Variants in C8B observed in about 807,000 individuals in gnomAD.
C8B encodes complement component C8 beta chain.
Under a neutral mutation model 64.6 loss-of-function variants are expected in C8B, and 67 were observed. The ratio of observed to expected loss-of-function variants is 1.04; its 90% CI spans 0.85 to 1.27. The LOEUF (loss-of-function observed/expected upper bound fraction) is 1.27, where lower values mean the gene tolerates loss of function less well. Ranked by LOEUF, C8B falls within the 50% of genes most tolerant of loss-of-function variation. The pLI is 0.00. For synonymous variants in C8B, 284 were observed against 257.7 expected (o/e 1.10, Z -0.98); for missense variants, 790 against 725.2 (o/e 1.09, Z -1.03).
At chr1:56,959,948 A>C in intron 2 of C8B, 72 bp downstream of exon 2, 1 of 1,556,440 alleles carries the variant, frequency 6.4e-7, no homozygotes, top group South Asian at 1.1e-5. Flanking sequence ...CACTGTTAGC[A>C]ATGGCTCAGC....
chr1:56,949,274 A>T (rs1369197205), intron 6 of C8B, among the ~76,000 whole-genome samples: 1 of 152,150 alleles, frequency 6.6e-6, no homozygotes, highest in Non-Finnish European at 1.5e-5. Context: ...AGGGTTAGTT[A>T]TCGTAGGAGT....
intron 5 of C8B, among the ~76,000 whole-genome samples, chr1:56,950,150 A>G (rs1365576912): frequency 1.3e-5 from 2 of 152,178 alleles, no homozygotes; most frequent in African/African-American, 4.8e-5. Flanking sequence ...TTGTGAGAGG[A>G]TATTCTGACA....
chr1:56,946,191 C>T (rs780073778), intron 6 of C8B, 130 bp from the exon 7 acceptor site: 36 of 1,047,092 alleles, frequency 3.4e-5, no homozygotes, highest in Non-Finnish European at 4.7e-5. Context: ...CTTTAGGATA[C>T]TTGAGGGAAG....
rs1644705818 is a variant in C8B, at chr1:56,931,819, A to G, written c.1612T>C (p.Tyr538His). Residue 538 changes from tyrosine (Y) to histidine (H), a missense_variant, in exon 11 of 12, where the codon TAT becomes CAT. Transcript: ENST00000371237. ...GSQGLACEVSYRKNTPIDGKW... is the reference protein window; with the variant it reads ...GSQGLACEVSHRKNTPIDGKW... ...TTTCCAATTAACTTACTCTTCCGAT[A>G]GGAGACCTCACAGGCTAGGCCTTGG... 1 of 1,609,256 alleles carries G rather than the reference A, an allele frequency of 6.2e-7. No individual in the cohort carries two copies. The highest frequency in any genetic ancestry group is 8.5e-7 in the Non-Finnish European group (1 of 1,176,578).
chr1:56,960,206 C>G, intron 1 of C8B, 30 bp from the exon 2 acceptor site: 1 of 1,606,050 alleles, frequency 6.2e-7, no homozygotes. Context: ...AAGAGAGTCA[C>G]GTATCAGAAG....
Position 56,959,587 on chromosome 1 carries a change from T to G in C8B, c.249+433A>C, listed in dbSNP as rs555313148. On this transcript the variant is annotated intron_variant, in intron 2 of 11. Transcript: ENST00000371237. ...AGTGAAGGCCAGAGTCATACAAGTGTCCATTGTGCTGGAAATGTAGGCTAG... is the reference window on the plus strand; with the variant it reads ...AGTGAAGGCCAGAGTCATACAAGTGGCCATTGTGCTGGAAATGTAGGCTAG... 27 of 1,535,436 alleles carry G rather than the reference T, an allele frequency of 1.8e-5. 1 individual carries two copies. The East Asian group carries it at 6.6e-4, about 38-fold the overall frequency.
At chr1:56,951,857 C>T (rs556240991) in intron 5 of C8B, among the ~76,000 whole-genome samples, 191 bp downstream of exon 5, 7 of 152,316 alleles carry the variant, frequency 4.6e-5, no homozygotes, top group Middle Eastern at 3.4e-3. Context: ...GCTCTACAAC[C>T]GCCCTCCTGT....
At chr1:56,952,839 G>GGATCACATGTATCATGTTTATGAA (rs1645042357) in intron 4 of C8B, among the ~76,000 whole-genome samples, 1 of 152,148 alleles carries the variant, frequency 6.6e-6, no homozygotes, top group Non-Finnish European at 1.5e-5. Flanking sequence ...GATGTTGTGA[G>GGATCACATGTATCATGTTTATGAA]GATCACATGT....
In C8B at chr1:56,954,812, C is replaced by T. The variant is rs200374059; in HGVS notation, c.407G>A (p.Arg136His). The change falls in exon 4 of 12, where the codon CGC becomes CAC. Residue 136 changes from arginine to histidine, a missense_variant. Transcript: ENST00000371237. ...ATTGTCCCCATTGCAAAGAAGTCTG[C>T]GGTTTACACACCTTCCTAGAATGGA... The part of the protein sequence containing the change: ...VCAQTGRCVN[R>H]RLLCNGDNDC... The T allele has an allele frequency of 1.6e-4, 264 of 1,614,048 alleles. No individual in the cohort carries two copies. Among genetic ancestry groups the T allele is most frequent in the Non-Finnish European group, 2.0e-4 (241 of 1,179,996 alleles).
chr1:56,944,586 A>G (rs913937489), intron 7 of C8B, among the ~76,000 whole-genome samples: 1 of 152,236 alleles, frequency 6.6e-6, no homozygotes, highest in Admixed American at 6.5e-5. Context: ...AGTGTGACAA[A>G]TGTTGCATCA....
intron 5 of C8B, 37 bp downstream of exon 5, chr1:56,952,011 C>T: frequency 6.2e-7 from 1 of 1,612,816 alleles, no homozygotes; most frequent in Non-Finnish European, 8.5e-7. Flanking sequence ...GGGTGCTCAG[C>T]TGGGGCTCCC....
chr1:56,959,017 T>C (rs1359655226), intron 2 of C8B, among the ~76,000 whole-genome samples: 1 of 152,204 alleles, frequency 6.6e-6, no homozygotes, highest in East Asian at 1.9e-4. Flanking sequence ...ATGACAGATA[T>C]TGCGGAAATT....
At chr1:56,929,604 T>A (rs954753567) in intron 11 of C8B, 46 bp from the exon 12 acceptor site, 1 of 1,591,288 alleles carries the variant, frequency 6.3e-7, no homozygotes, top group African/African-American at 1.3e-5. Context: ...CTTCTTATAT[T>A]CTGGTGCCTT....
chr1:56,929,665 T>A, intron 11 of C8B, 107 bp from the exon 12 acceptor site: 1 of 1,041,472 alleles, frequency 9.6e-7, no homozygotes, highest in Non-Finnish European at 1.5e-6. Flanking sequence ...AGTCTGAATC[T>A]CTGAGCTCCC....
chr1:56,934,730 G>A (rs1338828793), intron 9 of C8B, among the ~76,000 whole-genome samples: 2 of 152,060 alleles, frequency 1.3e-5, no homozygotes, highest in East Asian at 3.9e-4. Context: ...CCATTTTGTG[G>A]TCAATGAATT....
At chr1:56,941,816 T>C (rs1258132509) in intron 8 of C8B, among the ~76,000 whole-genome samples, 1 of 152,216 alleles carries the variant, frequency 6.6e-6, no homozygotes. Context: ...CTCTCCAAAC[T>C]GGCTCCTGCA....
intron 11 of C8B, among the ~76,000 whole-genome samples, chr1:56,929,800 C>T (rs1644672273): frequency 6.6e-6 from 1 of 152,174 alleles, no homozygotes. Flanking sequence ...ATCCAATTCA[C>T]CCCTCGGATC....
chr1:56,956,841 C>A lies in C8B; in HGVS notation c.319G>T (p.Val107Phe). Reference protein sequence around the residue: ...GEPCNFSDKEVEDCVTNRPCG... With the variant: ...GEPCNFSDKEFEDCVTNRPCG... ...GGTCTGTTGGTAACACAGTCTTCGA[C>A]TTCCTTGTCAGAGAAGTTGCACGGT... The change falls in exon 3 of 12, where the codon GTC (valine) becomes TTC (phenylalanine). Residue 107 changes from valine to phenylalanine, a missense_variant. Coordinates refer to ENST00000371237, the MANE Select transcript of C8B (RefSeq NM_000066.4). 6 of 1,614,140 alleles carry A rather than the reference C, an allele frequency of 3.7e-6. No homozygotes were observed. Among genetic ancestry groups the A allele is most frequent in the South Asian group, 2.2e-5 (2 of 91,090 alleles).
intron 8 of C8B, among the ~76,000 whole-genome samples, chr1:56,943,430 A>G (rs1271795538): frequency 6.6e-6 from 1 of 152,262 alleles, no homozygotes; most frequent in Non-Finnish European, 1.5e-5. Context: ...AACTAACTAT[A>G]GTTATACACA....
Sources: allele counts gnomAD v4.1 joint callset (sites outside exome capture counted in the v4.1 genomes callset), GRCh38; gene constraint gnomAD v4.1.1; transcripts MANE v1.5; gene names NCBI Gene and HGNC (gene_info 2026-07-23, HGNC 2026-07-21).